CCNH: variants seen among roughly 807,000 people sequenced by gnomAD.
CCNH encodes the protein cyclin-H.
In CCNH, 31 loss-of-function variants were observed where a neutral mutation model predicts 41.9. That is an observed-to-expected ratio of 0.74 (90% CI 0.56 to 1.00). The LOEUF (loss-of-function observed/expected upper bound fraction) is 1.00. Ranked by LOEUF, CCNH falls within the 50% of genes least tolerant of loss-of-function variation. The pLI is 0.00. For missense variants in CCNH, 362 were observed against 388.4 expected (o/e 0.93, Z 0.57); for synonymous variants, 138 against 136.1 (o/e 1.01, Z -0.10).
intron 9 of CCNH, among the ~76,000 whole-genome samples, chr5:87,326,537 T>A (rs974368394): frequency 6.6e-6 from 1 of 152,156 alleles, no homozygotes; most frequent in Non-Finnish European, 1.5e-5. Context: ...TTTCCCCATC[T>A]TCCTTAGAGA....
At chr5:87,383,677 C>CA in intron 9 of CCNH, 2 of 1,218,192 alleles carry the variant, frequency 1.6e-6, no homozygotes, top group Non-Finnish European at 1.2e-6. Flanking sequence ...TAGGTGTTTT[C>CA]TAAAAAAAAA....
chr5:87,385,515 G>C, intron 9 of CCNH: 1 of 735,038 alleles, frequency 1.4e-6, no homozygotes, highest in Non-Finnish European at 2.3e-6. Flanking sequence ...TATTTTTGTT[G>C]GTATGTTTGT....
intron 6 of CCNH, among the ~76,000 whole-genome samples, chr5:87,399,838 T>A (rs539936438): frequency 1.3e-4 from 20 of 152,324 alleles, no homozygotes; most frequent in African/African-American, 4.6e-4. Context: ...AATGATTTAG[T>A]GAACATGTTT....
downstream of CCNH, chr5:87,372,044 A>AC: frequency 7.0e-7 from 1 of 1,432,188 alleles, no homozygotes; most frequent in Non-Finnish European, 9.6e-7. Context: ...AATTTGAAAA[A>AC]AAAAACCTAA....
chr5:87,404,928 TC>T lies in CCNH; in HGVS notation c.604del (p.Asp202MetfsTer13). ...DDFLNRIALT[D>X]AYLLYTPSQI... Reference sequence around the variant, plus strand: ...GGAAGGTGTGTATAAAAGGTAAGCATCCGTCAATGCAATTCTATTAAGAAAG... The same window carrying T: ...GGAAGGTGTGTATAAAAGGTAAGCATCGTCAATGCAATTCTATTAAGAAAG... On this transcript the variant is annotated frameshift_variant, in exon 5 of 9. Transcript: ENST00000256897. LOFTEE classifies it high-confidence loss of function. 1 of 1,613,232 alleles carries T rather than the reference TC, an allele frequency of 6.2e-7. No individual in the cohort carries two copies. The highest frequency in any genetic ancestry group is 1.1e-5 in the South Asian group (1 of 91,052).
At chr5:87,378,306 G>A, upstream of CCNH, 1 of 1,464,930 alleles carries the variant, frequency 6.8e-7, no homozygotes, top group Non-Finnish European at 9.6e-7. Flanking sequence ...GGCTATTCCT[G>A]TTGAGGTAAA....
At chr5:87,401,910 C>A in intron 5 of CCNH, 138 bp from the exon 6 acceptor site, 1 of 516,510 alleles carries the variant, frequency 1.9e-6, no homozygotes, top group South Asian at 3.2e-5. Flanking sequence ...ATCTGTAACT[C>A]CTATATTTTA....
intron 9 of CCNH, among the ~76,000 whole-genome samples, chr5:87,350,157 GAAAA>G (rs1245122052): frequency 6.6e-6 from 1 of 151,720 alleles, no homozygotes; most frequent in Non-Finnish European, 1.5e-5. Context: ...TTGTTTATCT[GAAAA>G]AAACCAAAAA....
intron 9 of CCNH, among the ~76,000 whole-genome samples, chr5:87,331,850 C>G (rs1280340879): frequency 6.6e-6 from 1 of 152,056 alleles, no homozygotes; most frequent in African/African-American, 2.4e-5. Flanking sequence ...GTTTAAAACT[C>G]AAATTTTGTG....
intron 9 of CCNH, among the ~76,000 whole-genome samples, chr5:87,331,895 C>T (rs1008215520): frequency 6.6e-6 from 1 of 152,004 alleles, no homozygotes; most frequent in Non-Finnish European, 1.5e-5. Context: ...TAAAACTCTT[C>T]GCAGACATGC....
In CCNH at chr5:87,332,508, A is replaced by G. The variant is rs201997632; in HGVS notation, c.*91-13611T>C. 2 of 1,606,366 alleles carry G rather than the reference A, an allele frequency of 1.2e-6. No individual in the cohort carries two copies. The highest frequency in any genetic ancestry group is 2.2e-5 in the East Asian group (1 of 44,620). ...CTGTATTTTTTCCTGTTCAAATAGG[A>G]TTATTGCTATGTGTGGAGATTACTA... is the stretch of plus-strand genomic sequence containing the variant. On this transcript the variant is annotated intron_variant and NMD_transcript_variant, in intron 9 of 9. Transcript: ENST00000645953.
intron 9 of CCNH, among the ~76,000 whole-genome samples, chr5:87,354,277 T>A (rs1759491741): frequency 6.6e-6 from 1 of 152,166 alleles, no homozygotes; most frequent in Non-Finnish European, 1.5e-5. Flanking sequence ...TAGTTTTTTT[T>A]ACAAATTGAA....
At chr5:87,377,117 T>C in exon 1 of CCNH, 2 of 1,492,414 alleles carry the variant, frequency 1.3e-6, no homozygotes, top group Non-Finnish European at 1.9e-6. Flanking sequence ...ACTCTATCTC[T>C]GAATATACTA....
At chr5:87,397,459 C>G (rs1763059756) in intron 7 of CCNH, among the ~76,000 whole-genome samples, 1 of 152,084 alleles carries the variant, frequency 6.6e-6, no homozygotes, top group African/African-American at 2.4e-5. Flanking sequence ...TGTGCCCGGC[C>G]CTAGAAATTT....
downstream of CCNH, chr5:87,392,549 G>T: frequency 2.9e-6 from 1 of 345,116 alleles, no homozygotes. Flanking sequence ...TCCTTCCTTG[G>T]TTACATGATA....
rs1445499669 is a variant in CCNH, at chr5:87,412,679, T to C, written c.116A>G (p.Lys39Arg). The C allele has an allele frequency of 2.5e-6, 4 of 1,613,980 alleles. No homozygotes were observed. The East Asian group carries it at 8.9e-5, about 36-fold the overall frequency. ...KFRCKAVANG[K>R]VLPNDPVFLE... is the part of the protein sequence containing the mutation. ...GGGCAACCGTTGGGAAAACCTCACC[T>C]TCCCGTTGGCCACGGCTTTGCATCT... is the stretch of plus-strand genomic sequence containing the variant. The change falls in exon 1 of 9, where the codon AAG becomes AGG. Residue 39 changes from lysine (K) to arginine (R), a missense_variant and splice_region_variant. Transcript: ENST00000256897.
At chr5:87,400,953 C>CA (rs760338346) in intron 6 of CCNH, among the ~76,000 whole-genome samples, 6 of 152,142 alleles carry the variant, frequency 3.9e-5, no homozygotes, top group Non-Finnish European at 8.8e-5. Context: ...TTCTCAACAC[C>CA]AGCACTAATG....
chr5:87,317,927 C>T (rs1025868657), downstream of CCNH, among the ~76,000 whole-genome samples: 11 of 152,102 alleles, frequency 7.2e-5, no homozygotes, highest in Admixed American at 1.3e-4. Context: ...TGAGCCACCG[C>T]GCCCAGCCGT....
intron 9 of CCNH, among the ~76,000 whole-genome samples, chr5:87,348,734 T>C (rs1759042631): frequency 6.6e-6 from 1 of 151,848 alleles, no homozygotes; most frequent in Non-Finnish European, 1.5e-5. Context: ...GCTGGGATTA[T>C]ATGCATGTAC....
Sources: allele counts gnomAD v4.1 joint callset (sites outside exome capture counted in the v4.1 genomes callset), GRCh38; gene constraint gnomAD v4.1.1; transcripts MANE v1.5; gene names NCBI Gene and HGNC (gene_info 2026-07-23, HGNC 2026-07-21).